The following CCDC93 variants were observed in gnomAD, a reference collection of about 807,000 sequenced individuals.
The protein encoded by CCDC93 is CCC complex scaffolding subunit CCDC93, also known as coiled-coil domain-containing protein 93.
A neutral mutation model predicts 108.2 loss-of-function variants in CCDC93; 61 were observed. The ratio of observed to expected loss-of-function variants is 0.56; its 90% CI spans 0.46 to 0.70. CCDC93 has a LOEUF of 0.70. Ranked by LOEUF, CCDC93 falls within the 30% of genes least tolerant of loss-of-function variation. The probability of loss-of-function intolerance (pLI) is 0.00; values close to 1 mark genes in which losing one functional copy is unlikely to be tolerated. For missense variants in CCDC93, 685 were observed against 764.2 expected, an observed-to-expected ratio of 0.90 and a Z score of 1.22; for synonymous variants, 276 against 260.4, an observed-to-expected ratio of 1.06 and a Z score of -0.58.
intron 11 of CCDC93, among the ~76,000 whole-genome samples, chr2:117,970,747 C>T (rs1477490934): frequency 1.3e-5 from 2 of 152,080 alleles, no homozygotes; most frequent in East Asian, 1.9e-4. Flanking sequence ...GAACCATCTT[C>T]GATCCTCTCA....
chr2:117,923,858 G>A (rs1677979336), intron 23 of CCDC93, among the ~76,000 whole-genome samples: 1 of 151,962 alleles, frequency 6.6e-6, no homozygotes, highest in Non-Finnish European at 1.5e-5. Flanking sequence ...CCCCCGAGTA[G>A]CCAAACTGGG....
chr2:118,013,803 G>T, intron 1 of CCDC93, 151 bp downstream of exon 1: 2 of 666,568 alleles, frequency 3.0e-6, no homozygotes, highest in Non-Finnish European at 4.8e-6. Flanking sequence ...CCGCCTCCAA[G>T]AAGAGGGTCG....
At chr2:117,950,311 C>T (rs2104743231) in intron 13 of CCDC93, 1 of 985,182 alleles carries the variant, frequency 1.0e-6, no homozygotes, top group African/African-American at 1.7e-5. Flanking sequence ...AGTTACAGAG[C>T]AAGCAAAACT....
chr2:117,943,915 A>G, intron 18 of CCDC93, 109 bp downstream of exon 18: 1 of 665,398 alleles, frequency 1.5e-6, no homozygotes, highest in Non-Finnish European at 2.5e-6. Context: ...CAGCAGCCTC[A>G]TTACTTATTT....
chr2:117,972,150 A>G (rs1679784728), intron 11 of CCDC93, among the ~76,000 whole-genome samples: 1 of 152,212 alleles, frequency 6.6e-6, no homozygotes, highest in South Asian at 2.1e-4. Context: ...TCTGGTTGGG[A>G]AAAAATCCAC....
chr2:117,995,655 A>C, intron 5 of CCDC93, 153 bp from the exon 6 acceptor site: 1 of 635,978 alleles, frequency 1.6e-6, no homozygotes, highest in Non-Finnish European at 2.8e-6. Context: ...TATATTCTCC[A>C]TGGGAAAAGG....
intron 7 of CCDC93, among the ~76,000 whole-genome samples, chr2:117,981,243 C>CA (rs1181730253): frequency 6.6e-6 from 1 of 152,178 alleles, no homozygotes; most frequent in African/African-American, 2.4e-5. Flanking sequence ...CCTGGCAGTT[C>CA]AGTGCCTGGC....
chr2:117,997,409 C>T (rs374258802), intron 4 of CCDC93: 4 of 152,238 alleles, frequency 2.6e-5, no homozygotes, highest in South Asian at 4.1e-4. Flanking sequence ...GAGAAAGCTA[C>T]TGCATCTCAA....
At chr2:117,926,268 C>G (rs896445667) in intron 23 of CCDC93, among the ~76,000 whole-genome samples, 32 of 152,212 alleles carry the variant, frequency 2.1e-4, no homozygotes, top group African/African-American at 7.0e-4. Flanking sequence ...TAACTAAGAT[C>G]AGAGCAGAAC....
intron 23 of CCDC93, among the ~76,000 whole-genome samples, chr2:117,926,825 A>C (rs1678124447): frequency 6.6e-6 from 1 of 152,186 alleles, no homozygotes; most frequent in Non-Finnish European, 1.5e-5. Context: ...AAAAAAGAGA[A>C]TTTTAGACCA....
chr2:117,958,671 A>G (rs1344484216), intron 11 of CCDC93, among the ~76,000 whole-genome samples, 190 bp from the exon 12 acceptor site: 2 of 152,222 alleles, frequency 1.3e-5, no homozygotes, highest in Non-Finnish European at 2.9e-5. Context: ...ATCCCTATCA[A>G]CAGAACCTGC....
chr2:117,944,055 T>G lies in CCDC93; in HGVS notation c.1382A>C (p.Lys461Thr), dbSNP rs781263452. The change falls in exon 18 of 24, where the codon AAA becomes ACA. Residue 461 changes from lysine to threonine, a missense_variant. By Grantham distance (78) the Lys-to-Thr change is moderately conservative. Transcript: ENST00000376300. ...TAAACGTATCTTGTAAAGTTTCTCT[T>G]TCTCCATATTATACCGTCTGTCTAG... Reference protein sequence around the residue: ...EDLDRRYNMEKEKLYKIRLLQ... With the variant: ...EDLDRRYNMETEKLYKIRLLQ... The G allele has an allele frequency of 2.5e-6, 4 of 1,606,622 alleles. No individual in the cohort carries two copies.
intron 11 of CCDC93, among the ~76,000 whole-genome samples, chr2:117,962,937 T>C (rs540614624): frequency 1.1e-4 from 17 of 152,166 alleles, no homozygotes; most frequent in Admixed American, 3.9e-4. Context: ...TAACAACAGA[T>C]TGGACCTCAT....
chr2:117,976,997 G>A (rs1050213795), intron 8 of CCDC93, among the ~76,000 whole-genome samples: 6 of 149,564 alleles, frequency 4.0e-5, no homozygotes, highest in Non-Finnish European at 8.9e-5. Flanking sequence ...GTGCAGTGGC[G>A]CGATCTTGGC....
chr2:118,012,234 A>C (rs1037644958), intron 1 of CCDC93, among the ~76,000 whole-genome samples: 4 of 151,754 alleles, frequency 2.6e-5, no homozygotes, highest in African/African-American at 4.9e-5. Context: ...AGCTCACGCC[A>C]TTGCACTCCA....
rs547651135 is a variant in CCDC93, at chr2:117,941,802, T to G, written c.1414-505A>C. Reference sequence around the variant, plus strand: ...TCTCCCTTCCACAGACTCAGGAAACTGCCCTACTGACCGGGTCTGGGAGGC... The same window carrying G: ...TCTCCCTTCCACAGACTCAGGAAACGGCCCTACTGACCGGGTCTGGGAGGC... On this transcript the variant is annotated intron_variant, in intron 18 of 23. Coordinates refer to ENST00000376300, the MANE Select transcript of CCDC93 (RefSeq NM_019044.5). Among the ~76,000 whole-genome samples, 6 of 152,340 alleles carry G rather than the reference T, an allele frequency of 3.9e-5. No individual in the cohort carries two copies. The East Asian group carries it at 7.7e-4, about 20-fold the overall frequency.
At chr2:117,938,643 C>G (rs1395897012) in intron 20 of CCDC93, among the ~76,000 whole-genome samples, 7 of 151,868 alleles carry the variant, frequency 4.6e-5, no homozygotes, top group Admixed American at 4.6e-4. Flanking sequence ...ACGCCTTTGT[C>G]GGCCACTGAT....
chr2:117,955,512 C>CAT (rs2104751516), intron 12 of CCDC93, among the ~76,000 whole-genome samples: 1 of 152,282 alleles, frequency 6.6e-6, no homozygotes, highest in Non-Finnish European at 1.5e-5. Flanking sequence ...AATTGTGTTA[C>CAT]ATATATACTA....
intron 11 of CCDC93, among the ~76,000 whole-genome samples, chr2:117,960,810 T>C (rs1679368115): frequency 6.6e-6 from 1 of 152,264 alleles, no homozygotes; most frequent in Non-Finnish European, 1.5e-5. Flanking sequence ...CTCGTGATTA[T>C]ACAGTGACAT....
Sources: gnomAD v4.1 joint callset for allele counts (sites outside exome capture counted in the v4.1 genomes callset) on GRCh38, gnomAD v4.1.1 for gene constraint, MANE v1.5 for transcripts, NCBI Gene and HGNC (gene_info 2026-07-23, HGNC 2026-07-21) for gene names.